PTCD3: variants seen among roughly 807,000 people sequenced by gnomAD.
PTCD3 encodes pentatricopeptide repeat domain 3, also known as small ribosomal subunit protein mS39.
A neutral mutation model predicts 101.9 loss-of-function variants in PTCD3; 89 were observed. That is an observed-to-expected ratio of 0.87 (90% confidence interval 0.74 to 1.04). The LOEUF is 1.04. Among genes scored for constraint, PTCD3 ranks in the 50% least tolerant of loss-of-function variants. The pLI, the probability that PTCD3 is intolerant of heterozygous loss-of-function variation, is 0.00. For missense variants in PTCD3, 870 were observed against 828.2 expected, an observed-to-expected ratio of 1.05 and a Z score of -0.62; for synonymous variants, 296 against 278.5, an observed-to-expected ratio of 1.06 and a Z score of -0.63.
chr2:86,107,152 A>G (rs1673972183), intron 1 of PTCD3: 1 of 471,242 alleles, frequency 2.1e-6, no homozygotes, highest in Non-Finnish European at 4.4e-6. Context: ...TCCATCTGAT[A>G]CTGCAGAAAC....
intron 15 of PTCD3, 31 bp downstream of exon 15, chr2:86,130,768 C>T (rs765211059): frequency 6.2e-7 from 1 of 1,609,156 alleles, no homozygotes; most frequent in South Asian, 1.1e-5. Flanking sequence ...TGTTTTCCTC[C>T]TCTAAAGACA....
At chr2:86,108,126 T>TAAA (rs368815233) in intron 1 of PTCD3, among the ~76,000 whole-genome samples, 10 of 119,024 alleles carry the variant, frequency 8.4e-5, no homozygotes, top group Non-Finnish European at 1.8e-4. Context: ...ACCCTGTCTC[T>TAAA]AAAAAAAAAA....
chr2:86,130,449 G>GA lies in PTCD3; in HGVS notation c.1148-198dup, dbSNP rs534991648. On this transcript the variant is annotated intron_variant, in intron 14 of 23. Transcript: ENST00000254630. ...GTGGAGCACATGAACAGAGACCTGT[G>GA]ATTATTCCAGATTTTACAGAGAATT... Among the ~76,000 whole-genome samples, 81 of 152,362 alleles carry GA rather than the reference G, an allele frequency of 5.3e-4. 1 individual carries two copies. The East Asian group carries it at 0.014, about 26-fold the overall frequency.
At chr2:86,115,123 A>C (rs1258845443) in intron 4 of PTCD3, among the ~76,000 whole-genome samples, 1 of 152,210 alleles carries the variant, frequency 6.6e-6, no homozygotes, top group East Asian at 1.9e-4. Context: ...CATTCTTAGC[A>C]GTTCTAGGAA....
intron 4 of PTCD3, among the ~76,000 whole-genome samples, chr2:86,113,020 A>G (rs748930419): frequency 6.6e-6 from 1 of 152,174 alleles, no homozygotes; most frequent in Non-Finnish European, 1.5e-5. Context: ...ATAGCCAAGC[A>G]ACTAGCTTTA....
In PTCD3 at chr2:86,137,971, A is replaced by G. The variant is rs72936322; in HGVS notation, c.*412A>G. ...TGCTGTGATGCTGGTCCTTCATCTT[A>G]GGTGTTCATGCAGTTCTAACACAGT... On this transcript the variant is annotated 3_prime_UTR_variant, in exon 24 of 24. Coordinates refer to ENST00000254630, the MANE Select transcript of PTCD3 (RefSeq NM_017952.6). The G allele has an allele frequency of 1.5e-3, 308 of 200,720 alleles. No individual in the cohort carries two copies. Among genetic ancestry groups the G allele is most frequent in the African/African-American group, 6.2e-3 (273 of 44,088 alleles). 12.4% of individuals were successfully genotyped at this position (200,720 alleles called of 1,614,324 possible).
In PTCD3 at chr2:86,127,295, C is replaced by T; in HGVS notation, c.1086C>T (p.Ala362=). 1 of 1,613,902 alleles carries T rather than the reference C, an allele frequency of 6.2e-7. No homozygotes were observed. The highest frequency in any genetic ancestry group is 8.5e-7 in the Non-Finnish European group (1 of 1,179,880). Residue 362 remains alanine, a synonymous_variant, in exon 13 of 24, where the codon GCC becomes GCT. Coordinates refer to ENST00000254630, the MANE Select transcript of PTCD3 (RefSeq NM_017952.6). ...PALQVLREMK[A]IGIEPSLATY... ...TACAGGTTTTACGTGAAATGAAAGC[C>T]ATTGGAATAGGTGAGGATGCGCCCT...
In PTCD3 at chr2:86,127,246, A is replaced by C. The variant is rs752197680; in HGVS notation, c.1037A>C (p.His346Pro). The C allele has an allele frequency of 6.2e-6, 10 of 1,614,134 alleles. No homozygotes were observed. The East Asian group carries it at 2.2e-4, about 36-fold the overall frequency. The stretch of plus-strand genomic sequence containing the variant: ...ATTCTGAAATGTCTCCGAAGATTTC[A>C]TGTGTTTGCAAGATCGCCAGCCTTA... ...NTILKCLRRF[H>P]VFARSPALQV... is the part of the protein sequence containing the mutation. The change falls in exon 13 of 24, where the codon CAT becomes CCT. Residue 346 changes from histidine to proline, a missense_variant. Physicochemically the swap from His to Pro is moderately conservative, Grantham distance 77. Transcript: ENST00000254630.
At chr2:86,107,303 T>C in intron 1 of PTCD3, 1 of 450,996 alleles carries the variant, frequency 2.2e-6, no homozygotes, top group South Asian at 1.6e-5. Flanking sequence ...TTTAAGGTCA[T>C]GAGAAACAAA....
chr2:86,107,387 G>C (rs1301795218), intron 1 of PTCD3, among the ~76,000 whole-genome samples: 1 of 152,230 alleles, frequency 6.6e-6, no homozygotes, highest in African/African-American at 2.4e-5. Flanking sequence ...TTAACGTAGA[G>C]GGGTATTCTT....
At chr2:86,112,708 A>T (rs1408174721) in intron 4 of PTCD3, among the ~76,000 whole-genome samples, 3 of 150,648 alleles carry the variant, frequency 2.0e-5, no homozygotes, top group Non-Finnish European at 4.4e-5. Context: ...AAAAAAATTT[A>T]AAATAAAATT....
chr2:86,122,515 G>A (rs1450521066), intron 8 of PTCD3, among the ~76,000 whole-genome samples: 2 of 137,952 alleles, frequency 1.4e-5, no homozygotes, highest in African/African-American at 2.7e-5. Flanking sequence ...GAGCTCAAGT[G>A]TTCCTCCTTC....
intron 4 of PTCD3, 69 bp from the exon 5 acceptor site, chr2:86,116,461 C>A (rs1674179576): frequency 1.6e-6 from 2 of 1,260,560 alleles, no homozygotes; most frequent in Non-Finnish European, 2.3e-6. Context: ...CCCTTGAGTC[C>A]AGGAGCTAAA....
chr2:86,137,473 G>A lies in PTCD3; in HGVS notation c.1984G>A (p.Ala662Thr). 1 of 1,613,592 alleles carries A rather than the reference G, an allele frequency of 6.2e-7. No homozygotes were observed. Among genetic ancestry groups the A allele is most frequent in the Non-Finnish European group, 8.5e-7 (1 of 1,179,880 alleles). Reference protein sequence around the residue: ...DFAINQEQKEALSNLTALTSD... With the variant: ...DFAINQEQKETLSNLTALTSD... Reference sequence around the variant, plus strand: ...TCCATTTTCTTTTCTTAACAGGGAAGCCCTAAGTAATCTAACTGCATTGAC... The same window carrying A: ...TCCATTTTCTTTTCTTAACAGGGAAACCCTAAGTAATCTAACTGCATTGAC... The change falls in exon 24 of 24, where the codon GCC (alanine) becomes ACC (threonine). Residue 662 changes from alanine to threonine, a missense_variant. Transcript: ENST00000254630.
In PTCD3 at chr2:86,133,202, T is replaced by C; in HGVS notation, c.1398T>C (p.Cys466=). 6.2e-7 allele frequency: 1 copy of C among 1,614,132 alleles called. No homozygotes were observed. Among genetic ancestry groups the C allele is most frequent in the Non-Finnish European group, 8.5e-7 (1 of 1,180,000 alleles). The change falls in exon 18 of 24, where the codon TGT becomes TGC. Residue 466 remains cysteine (C), a synonymous_variant. Transcript: ENST00000254630. ...GTTCCAAGTTCTTCGATTTGATTTGTCTAATGGAACAAATTGATGTTACCT... is the reference window on the plus strand; with the variant it reads ...GTTCCAAGTTCTTCGATTTGATTTGCCTAATGGAACAAATTGATGTTACCT... The part of the protein sequence containing the change: ...FYYSKFFDLI[C]LMEQIDVTLK...
rs891787914 is a variant in PTCD3 at position 86,106,283 on chromosome 2, C to A, written c.36C>A (p.Leu12=). The A allele has an allele frequency of 4.3e-6, 7 of 1,613,626 alleles. No individual in the cohort carries two copies. In the Admixed American group the frequency reaches 6.7e-5, roughly 15 times the overall value. Residue 12 remains leucine, a synonymous_variant, in exon 1 of 24, where the codon CTC becomes CTA. Transcript: ENST00000254630. The part of the protein sequence containing the change: ...AVVSAVRWLG[L]RSRLGQPLTG... ...TATCTGCTGTTCGCTGGCTGGGCCTCCGCAGCAGGCTTGGCCAGCCGCTGA... is the reference window on the plus strand; with the variant it reads ...TATCTGCTGTTCGCTGGCTGGGCCTACGCAGCAGGCTTGGCCAGCCGCTGA...
chr2:86,123,906 A>G (rs997434356), intron 9 of PTCD3, 144 bp downstream of exon 9: 54 of 553,002 alleles, frequency 9.8e-5, no homozygotes, highest in Middle Eastern at 2.8e-4. Flanking sequence ...ATTTGTATTC[A>G]TACACATTTA....
chr2:86,130,391 AT>A (rs1183098258), intron 14 of PTCD3, among the ~76,000 whole-genome samples: 1 of 152,220 alleles, frequency 6.6e-6, no homozygotes, highest in Non-Finnish European at 1.5e-5. Flanking sequence ...GTCAGGCTTC[AT>A]GTGAAGAGAC....
Position 86,141,145 on chromosome 2 carries a change from A to G in PTCD3, c.*3586A>G, listed in dbSNP as rs72936330. ...CCCTTTCACAAGCTCTTGCCTCACAACCCCTGCAGAAGTCCTTCAACAAAA... is the reference window on the plus strand; with the variant it reads ...CCCTTTCACAAGCTCTTGCCTCACAGCCCCTGCAGAAGTCCTTCAACAAAA... On this transcript the variant is annotated 3_prime_UTR_variant, in exon 24 of 24. Transcript: ENST00000254630. 1 of 152,008 alleles carries G rather than the reference A, an allele frequency of 6.6e-6. No individual in the cohort carries two copies. The highest frequency in any genetic ancestry group is 2.4e-5 in the African/African-American group (1 of 41,346). 9.4% of individuals were successfully genotyped at this position (152,008 alleles called of 1,614,324 possible). A position where few individuals can be genotyped will look rare whatever the true frequency, so the allele number is the denominator to read the frequency against.
Sources: allele counts gnomAD v4.1 joint callset (sites outside exome capture counted in the v4.1 genomes callset), GRCh38; gene constraint gnomAD v4.1.1; transcripts MANE v1.5; gene names NCBI Gene and HGNC (gene_info 2026-07-23, HGNC 2026-07-21).